CNTNAP2: variants seen among roughly 807,000 people sequenced by gnomAD.
The protein encoded by CNTNAP2 is contactin-associated protein-like 2.
A neutral mutation model predicts 155.2 loss-of-function variants in CNTNAP2; 98 were observed. The observed-to-expected ratio is 0.63, with a 90% CI of 0.54 to 0.75. CNTNAP2 has a LOEUF of 0.75. Ranked by LOEUF, CNTNAP2 falls within the 30% of genes least tolerant of loss-of-function variation. The pLI, the probability that CNTNAP2 is intolerant of heterozygous loss-of-function variation, is 0.00. For missense variants in CNTNAP2, 1,727 were observed against 1,688.1 expected (o/e 1.02, Z -0.40); for synonymous variants, 651 against 631.2 (o/e 1.03, Z -0.47).
intron 1 of CNTNAP2, among the ~76,000 whole-genome samples, chr7:146,704,855 G>A (rs1253995412): frequency 1.3e-5 from 2 of 152,152 alleles, no homozygotes; most frequent in Admixed American, 1.3e-4. Flanking sequence ...TTGTGGGCAA[G>A]ACCCAAGCAT....
intron 1 of CNTNAP2, among the ~76,000 whole-genome samples, chr7:146,237,459 C>A (rs1391790864): frequency 6.6e-6 from 1 of 152,210 alleles, no homozygotes; most frequent in Non-Finnish European, 1.5e-5. Context: ...ACATACTTTG[C>A]ATTGCGTCTT....
intron 15 of CNTNAP2, among the ~76,000 whole-genome samples, chr7:147,981,147 A>G (rs187875682): frequency 6.6e-6 from 1 of 152,314 alleles, no homozygotes; most frequent in African/African-American, 2.4e-5. Context: ...CAAATTTCTG[A>G]GCATACTTTC....
At chr7:147,323,584 C>T (rs1795394601) in intron 9 of CNTNAP2, among the ~76,000 whole-genome samples, 1 of 151,538 alleles carries the variant, frequency 6.6e-6, no homozygotes, top group Non-Finnish European at 1.5e-5. Flanking sequence ...CTGTAGATGT[C>T]TATTAGGTCC....
intron 13 of CNTNAP2, among the ~76,000 whole-genome samples, chr7:147,647,377 A>G (rs1056457781): frequency 6.6e-6 from 1 of 151,890 alleles, no homozygotes; most frequent in Non-Finnish European, 1.5e-5. Flanking sequence ...ATGTAAGAGG[A>G]CACCCTTCTT....
In CNTNAP2 at chr7:146,587,809, G is replaced by A. The variant is rs549610704; in HGVS notation, c.98-186462G>A. Among the ~76,000 whole-genome samples, 6 of 151,782 alleles carry A rather than the reference G, an allele frequency of 4.0e-5. No homozygotes were observed. In the East Asian group the frequency reaches 1.2e-3, roughly 30 times the overall value. On this transcript the variant is annotated intron_variant, in intron 1 of 23. Transcript: ENST00000361727. The stretch of plus-strand genomic sequence containing the variant: ...TGCCTCAGCCTCCTGAGTAGCCTCC[G>A]GATTACAGGTGCACGCCACCATGCC...
intron 15 of CNTNAP2, among the ~76,000 whole-genome samples, chr7:148,109,612 G>T (rs544963646): frequency 6.6e-6 from 1 of 151,920 alleles, no homozygotes; most frequent in Non-Finnish European, 1.5e-5. Context: ...TCAAACTCCC[G>T]ACCTCAGGTG....
chr7:147,818,202 G>T (rs988708125), intron 13 of CNTNAP2, among the ~76,000 whole-genome samples: 2 of 151,966 alleles, frequency 1.3e-5, no homozygotes, highest in Non-Finnish European at 2.9e-5. Context: ...CTCTTAAATT[G>T]CTTGGTTTCT....
At chr7:146,605,984 A>G (rs1799040500) in intron 1 of CNTNAP2, among the ~76,000 whole-genome samples, 1 of 152,194 alleles carries the variant, frequency 6.6e-6, no homozygotes, top group Non-Finnish European at 1.5e-5. Context: ...AGGCAGGAAT[A>G]TCAGCTGTTG....
chr7:147,334,962 C>T (rs973097351), intron 9 of CNTNAP2, among the ~76,000 whole-genome samples: 11 of 152,150 alleles, frequency 7.2e-5, no homozygotes, highest in African/African-American at 2.7e-4. Context: ...TCACAATAAT[C>T]TCACAGAGTA....
chr7:146,293,067 T>C (rs1204928006), intron 1 of CNTNAP2, among the ~76,000 whole-genome samples: 1 of 152,170 alleles, frequency 6.6e-6, no homozygotes, highest in African/African-American at 2.4e-5. Context: ...AATTATTCAA[T>C]ATTGTATTCA....
intron 8 of CNTNAP2, among the ~76,000 whole-genome samples, chr7:147,201,311 A>G (rs1437832935): frequency 1.3e-5 from 2 of 152,206 alleles, no homozygotes; most frequent in African/African-American, 4.8e-5. Context: ...TACACATTTC[A>G]GTAAAGAATG....
chr7:148,014,830 A>G (rs1802146692), intron 15 of CNTNAP2, among the ~76,000 whole-genome samples: 1 of 152,222 alleles, frequency 6.6e-6, no homozygotes, highest in South Asian at 2.1e-4. Context: ...AACATCAGCC[A>G]ACTGCAGCGC....
Position 146,473,629 on chromosome 7 carries a change from AC to A in CNTNAP2, c.98-300641del, listed in dbSNP as rs1327550164. Among the ~76,000 whole-genome samples the A allele has an allele frequency of 3.9e-5, 6 of 152,200 alleles. 1 individual carries two copies. Among genetic ancestry groups the A allele is most frequent in the South Asian group, 4.1e-4 (2 of 4,832 alleles). On this transcript the variant is annotated intron_variant, in intron 1 of 23. Transcript: ENST00000361727. ...TCTCAATAAACGCCCCTGGATTTAA[AC>A]TATTTTTATCACAGTCTACTTCTAT...
chr7:146,925,839 C>G (rs1009401447), intron 3 of CNTNAP2, among the ~76,000 whole-genome samples: 3 of 152,064 alleles, frequency 2.0e-5, no homozygotes, highest in African/African-American at 7.2e-5. Flanking sequence ...AGGGCACATA[C>G]AAAATCTCCA....
At chr7:147,170,896 A>T (rs1003578141) in intron 8 of CNTNAP2, among the ~76,000 whole-genome samples, 2 of 152,074 alleles carry the variant, frequency 1.3e-5, no homozygotes, top group Non-Finnish European at 2.9e-5. Flanking sequence ...GCCGTGGGGA[A>T]GCTCGCCCTG....
intron 1 of CNTNAP2, among the ~76,000 whole-genome samples, chr7:146,598,723 T>C (rs963258027): frequency 2.0e-5 from 3 of 152,044 alleles, no homozygotes; most frequent in African/African-American, 7.2e-5. Flanking sequence ...ATTTTCTTTC[T>C]CAAACTTCTC....
intron 13 of CNTNAP2, among the ~76,000 whole-genome samples, chr7:147,851,313 C>A (rs1798934909): frequency 6.6e-6 from 1 of 152,188 alleles, no homozygotes; most frequent in South Asian, 2.1e-4. Context: ...AACACTTTTA[C>A]ACTGTTGGTG....
chr7:146,887,219 G>A (rs1795684348), intron 3 of CNTNAP2, among the ~76,000 whole-genome samples: 1 of 151,858 alleles, frequency 6.6e-6, no homozygotes, highest in Non-Finnish European at 1.5e-5. Flanking sequence ...GCGCGATCTT[G>A]GCTCACTGCA....
At chr7:147,190,805 T>A (rs1328008087) in intron 8 of CNTNAP2, among the ~76,000 whole-genome samples, 2 of 152,216 alleles carry the variant, frequency 1.3e-5, no homozygotes, top group Admixed American at 1.3e-4. Flanking sequence ...CAGATTAAAC[T>A]CACTGTAACA....
Sources: gnomAD v4.1 joint callset for allele counts (sites outside exome capture counted in the v4.1 genomes callset) on GRCh38, gnomAD v4.1.1 for gene constraint, MANE v1.5 for transcripts, NCBI Gene and HGNC (gene_info 2026-07-23, HGNC 2026-07-21) for gene names.